TMX1: variants seen among roughly 807,000 people sequenced by gnomAD.
TMX1 encodes thioredoxin-related transmembrane protein 1.
Under a neutral mutation model 36.6 loss-of-function variants are expected in TMX1, and 25 were observed. The ratio of observed to expected loss-of-function variants is 0.68; its 90% CI spans 0.50 to 0.95. TMX1 has a LOEUF of 0.95. Ranked by LOEUF, TMX1 falls within the 40% of genes least tolerant of loss-of-function variation. TMX1 has a pLI of 0.00. For synonymous variants in TMX1, 133 were observed against 118.0 expected (o/e 1.13, Z -0.82); for missense variants, 347 against 339.6 (o/e 1.02, Z -0.17).
In TMX1 at chr14:51,243,969, C is replaced by G; in HGVS notation, c.266C>G (p.Pro89Arg). The G allele has an allele frequency of 6.2e-7, 1 of 1,600,468 alleles. No homozygotes were observed. The highest frequency in any genetic ancestry group is 8.5e-7 in the Non-Finnish European group (1 of 1,173,584). Residue 89 changes from proline (P) to arginine (R), a missense_variant and splice_region_variant, in exon 2 of 8, where the codon CCA becomes CGA. Physicochemically the swap from Pro to Arg is moderately radical, Grantham distance 103. Coordinates refer to ENST00000457354, the MANE Select transcript of TMX1 (RefSeq NM_030755.5). ...NIAKVDVTEQ[P>R]GLSGRFIITA... The stretch of plus-strand genomic sequence containing the variant: ...GCGAAAGTAGATGTCACAGAGCAGC[C>G]AGGTACTGTAAGTCTTTGGTTAGTT...
rs371938545 is a variant in TMX1 at position 51,242,858 on chromosome 14, T to C, written c.153-998T>C. Among the ~76,000 whole-genome samples the C allele has an allele frequency of 3.2e-3, 488 of 152,350 alleles. 2 individuals carry two copies. Among genetic ancestry groups the C allele is most frequent in the African/African-American group, 0.011 (465 of 41,578 alleles). On this transcript the variant is annotated intron_variant, in intron 1 of 7. Coordinates refer to ENST00000457354, the MANE Select transcript of TMX1 (RefSeq NM_030755.5). ...AGTTTTAGTAATAGTCTGCTCCTAA[T>C]TACAAGTGAATTATCTACAGTAAAT... is the stretch of plus-strand genomic sequence containing the variant.
chr14:51,254,651 A>C lies in TMX1; in HGVS notation c.*132A>C, dbSNP rs1194181253. 3 of 770,148 alleles carry C rather than the reference A, an allele frequency of 3.9e-6. No individual in the cohort carries two copies. Among genetic ancestry groups the C allele is most frequent in the African/African-American group, 3.6e-5 (2 of 55,480 alleles). 47.7% of individuals were successfully genotyped at this position (770,148 alleles called of 1,614,324 possible). ...AGTCTAGATTGTCATTAAATTGAAG[A>C]GTCTACATTCAGAACATAAAAGCAC... On this transcript the variant is annotated 3_prime_UTR_variant, in exon 8 of 8. Coordinates refer to ENST00000457354, the MANE Select transcript of TMX1 (RefSeq NM_030755.5).
chr14:51,246,751 T>G (rs147553138), intron 3 of TMX1, among the ~76,000 whole-genome samples: 2 of 152,376 alleles, frequency 1.3e-5, no homozygotes, highest in East Asian at 3.8e-4. Context: ...CAAGCACTAT[T>G]CTAATAATTT....
Position 51,245,369 on chromosome 14 carries a change from G to C in TMX1, c.314+11G>C. ...TCCTACTATTTATCAGTAAGTATTT[G>C]AAGATTCTAAATTATGGAGAAGGAT... On this transcript the variant is annotated intron_variant, in intron 3 of 7. Transcript: ENST00000457354. 2 of 1,613,646 alleles carry C rather than the reference G, an allele frequency of 1.2e-6. No individual in the cohort carries two copies. Among genetic ancestry groups the C allele is most frequent in the Non-Finnish European group, 1.7e-6 (2 of 1,179,770 alleles).
chr14:51,240,856 A>G (rs568683750), intron 1 of TMX1, among the ~76,000 whole-genome samples: 1 of 152,288 alleles, frequency 6.6e-6, no homozygotes, highest in South Asian at 2.1e-4. Flanking sequence ...GAGAATATTG[A>G]GCAAAATTTC....
chr14:51,254,584 G>A lies in TMX1; in HGVS notation c.*65G>A. On this transcript the variant is annotated 3_prime_UTR_variant, in exon 8 of 8. Coordinates refer to ENST00000457354, the MANE Select transcript of TMX1 (RefSeq NM_030755.5). ...AAACAGAAGATTGATCATTTTGTTT[G>A]GTTTGAAGTGAACTGTGACTTTTTT... The A allele has an allele frequency of 1.4e-6, 2 of 1,448,136 alleles. No individual in the cohort carries two copies. The highest frequency in any genetic ancestry group is 1.9e-6 in the Non-Finnish European group (2 of 1,071,402). 89.7% of individuals were successfully genotyped at this position (1,448,136 alleles called of 1,614,324 possible). A position where few individuals can be genotyped will look rare whatever the true frequency, so the allele number is the denominator to read the frequency against.
chr14:51,247,147 A>G lies in TMX1; in HGVS notation c.370A>G (p.Ile124Val). 2 of 1,613,264 alleles carry G rather than the reference A, an allele frequency of 1.2e-6. No homozygotes were observed. The highest frequency in any genetic ancestry group is 8.5e-7 in the Non-Finnish European group (1 of 1,179,736). The change falls in exon 4 of 8, where the codon ATA becomes GTA. Residue 124 changes from isoleucine to valine, a missense_variant. Ile to Val is a conservative substitution (Grantham distance 29). Coordinates refer to ENST00000457354, the MANE Select transcript of TMX1 (RefSeq NM_030755.5). Reference protein sequence around the residue: ...YQGPRTKKDFINFISDKEWKS... With the variant: ...YQGPRTKKDFVNFISDKEWKS... Reference sequence around the variant, plus strand: ...GGGTCCAAGGACTAAGAAGGACTTCATAAACTTTATAAGTGATAAAGAGTG... The same window carrying G: ...GGGTCCAAGGACTAAGAAGGACTTCGTAAACTTTATAAGTGATAAAGAGTG...
intron 7 of TMX1, among the ~76,000 whole-genome samples, chr14:51,252,856 A>T (rs1048300969): frequency 2.6e-5 from 4 of 152,152 alleles, no homozygotes; most frequent in Non-Finnish European, 5.9e-5. Flanking sequence ...TGTTGTTAAG[A>T]TGCTGTTTCT....
At chr14:51,242,172 A>G (rs2065764971) in intron 1 of TMX1, among the ~76,000 whole-genome samples, 1 of 152,140 alleles carries the variant, frequency 6.6e-6, no homozygotes, top group Admixed American at 6.5e-5. Flanking sequence ...GATAAAGGGA[A>G]ATTTTCATAG....
chr14:51,243,735 C>A, intron 1 of TMX1, 121 bp from the exon 2 acceptor site: 1 of 684,014 alleles, frequency 1.5e-6, no homozygotes, highest in Non-Finnish European at 2.2e-6. Flanking sequence ...ACCACCTTAT[C>A]ATCTTCAGTG....
At position 51,240,276 on chromosome 14, in the gene TMX1, G is replaced by A; in HGVS notation, c.-17G>A. On this transcript the variant is annotated 5_prime_UTR_variant, in exon 1 of 8. Coordinates refer to ENST00000457354, the MANE Select transcript of TMX1 (RefSeq NM_030755.5). ...GGAGCTGCGACCGCGCTCCCTGTGA[G>A]GTGGGCAAGCGGCGAAATGGCGCCC... 5.0e-6 allele frequency: 8 copies of A among 1,607,078 alleles called. No homozygotes were observed. Among genetic ancestry groups the A allele is most frequent in the Non-Finnish European group, 6.8e-6 (8 of 1,179,300 alleles).
In TMX1 at chr14:51,254,410, A is replaced by T; in HGVS notation, c.734A>T (p.Asp245Val). The T allele has an allele frequency of 6.2e-7, 1 of 1,612,402 alleles. No individual in the cohort carries two copies. The highest frequency in any genetic ancestry group is 8.5e-7 in the Non-Finnish European group (1 of 1,179,042). The change falls in exon 8 of 8, where the codon GAT becomes GTT. Residue 245 changes from aspartate (D) to valine (V), a missense_variant. Transcript: ENST00000457354. ...VEEEQEADEEDVSEEEAESKE... is the reference protein window; with the variant it reads ...VEEEQEADEEVVSEEEAESKE... ...GAGGAACAAGAGGCGGATGAAGAAG[A>T]TGTTTCAGAAGAAGAAGCTGAAAGT...
Position 51,241,612 on chromosome 14 carries a change from G to A in TMX1, c.152+1168G>A, listed in dbSNP as rs1232493290. ...TGGAAGTGGCGTACGCTACCCAGGAGATTGAGGTATGAGGATGACTTGAGC... is the reference window on the plus strand; with the variant it reads ...TGGAAGTGGCGTACGCTACCCAGGAAATTGAGGTATGAGGATGACTTGAGC... On this transcript the variant is annotated intron_variant, in intron 1 of 7. Transcript: ENST00000457354. Among the ~76,000 whole-genome samples the A allele has an allele frequency of 4.6e-5, 7 of 152,190 alleles. No individual in the cohort carries two copies. The East Asian group carries it at 1.2e-3, about 25-fold the overall frequency.
Position 51,254,646 on chromosome 14 carries a change from TGAA to T in TMX1, c.*130_*132del, listed in dbSNP as rs1372364504. 7 of 800,552 alleles carry T rather than the reference TGAA, an allele frequency of 8.7e-6. No individual in the cohort carries two copies. Among genetic ancestry groups the T allele is most frequent in the Non-Finnish European group, 1.1e-5 (6 of 521,886 alleles). 49.6% of individuals were successfully genotyped at this position (800,552 alleles called of 1,614,324 possible). A position where few individuals can be genotyped will look rare whatever the true frequency, so the allele number is the denominator to read the frequency against. ...GGTTCAGTCTAGATTGTCATTAAATTGAAGAGTCTACATTCAGAACATAAAAGC... is the reference window on the plus strand; with the variant it reads ...GGTTCAGTCTAGATTGTCATTAAATTGAGTCTACATTCAGAACATAAAAGC... On this transcript the variant is annotated 3_prime_UTR_variant, in exon 8 of 8. Coordinates refer to ENST00000457354, the MANE Select transcript of TMX1 (RefSeq NM_030755.5).
At position 51,249,780 on chromosome 14, in the gene TMX1, A is replaced by T. The variant is rs868735913; in HGVS notation, c.664+15A>T. 2.5e-6 allele frequency: 4 copies of T among 1,579,562 alleles called. No individual in the cohort carries two copies. The highest frequency in any genetic ancestry group is 1.8e-4 in the Middle Eastern group (1 of 5,692). The stretch of plus-strand genomic sequence containing the variant: ...ATACCCTTCAAGTAAGTATATTTTA[A>T]AATGTTTATTTTTTATTCACGATAG... On this transcript the variant is annotated intron_variant, in intron 7 of 7. Coordinates refer to ENST00000457354, the MANE Select transcript of TMX1 (RefSeq NM_030755.5).
rs2065780395 is a variant in TMX1 at position 51,245,309 on chromosome 14, G to T, written c.269-4G>T. 5 of 1,613,608 alleles carry T rather than the reference G, an allele frequency of 3.1e-6. No homozygotes were observed. The Admixed American group carries it at 5.0e-5, about 16-fold the overall frequency. On this transcript the variant is annotated splice_region_variant and splice_polypyrimidine_tract_variant and intron_variant, in intron 2 of 7. Transcript: ENST00000457354. ...AAAACCTGCTGTGTGTTCTTTATTTGTAGGACTGAGTGGACGGTTTATCAT... is the reference window on the plus strand; with the variant it reads ...AAAACCTGCTGTGTGTTCTTTATTTTTAGGACTGAGTGGACGGTTTATCAT...
intron 3 of TMX1, among the ~76,000 whole-genome samples, chr14:51,246,127 A>T (rs993965699): frequency 1.3e-5 from 2 of 151,938 alleles, no homozygotes; most frequent in Non-Finnish European, 2.9e-5. Flanking sequence ...TTACATCTAT[A>T]TAAATTTCTG....
At chr14:51,246,105 C>T (rs1298756648) in intron 3 of TMX1, among the ~76,000 whole-genome samples, 1 of 152,022 alleles carries the variant, frequency 6.6e-6, no homozygotes, top group Non-Finnish European at 1.5e-5. Context: ...TTAAAATTCA[C>T]CCCTACTCCC....
intron 2 of TMX1, among the ~76,000 whole-genome samples, chr14:51,245,088 T>G (rs551491939): frequency 5.8e-4 from 89 of 152,358 alleles, no homozygotes; most frequent in Admixed American, 2.5e-3. Context: ...ATGTATTCAG[T>G]ACTCTAGTTC....
Sources: allele counts gnomAD v4.1 joint callset (sites outside exome capture counted in the v4.1 genomes callset), GRCh38; gene constraint gnomAD v4.1.1; transcripts MANE v1.5; gene names NCBI Gene and HGNC (gene_info 2026-07-23, HGNC 2026-07-21).